Variants in RTP2 observed in about 807,000 individuals in gnomAD.
RTP2 encodes the protein receptor transporter protein 2, also known as receptor-transporting protein 2.
A neutral mutation model predicts 17.9 loss-of-function variants in RTP2; 12 were observed. The ratio of observed to expected loss-of-function variants is 0.67; its 90% CI spans 0.43 to 1.09. RTP2 has a LOEUF of 1.09. Ranked by LOEUF, RTP2 falls within the 50% of genes least tolerant of loss-of-function variation. The pLI is 0.00. For missense variants in RTP2, 327 were observed against 295.7 expected (o/e 1.11, Z -0.78); for synonymous variants, 126 against 117.7 (o/e 1.07, Z -0.46).
At chr3:187,701,297 G>A (rs1560136625) in intron 1 of RTP2, among the ~76,000 whole-genome samples, 2 of 152,228 alleles carry the variant, frequency 1.3e-5, no homozygotes, top group South Asian at 4.1e-4. Context: ...CCTATAAAGA[G>A]TGGGACCCTG....
chr3:187,713,148 C>A, the RTP2 span, among the ~76,000 whole-genome samples: 1 of 152,166 alleles, frequency 6.6e-6, no homozygotes, highest in African/African-American at 2.4e-5. Context: ...TGAGATGTAC[C>A]CAGCCCACAG....
the RTP2 span, chr3:187,715,605 C>G: frequency 2.2e-6 from 1 of 455,814 alleles, no homozygotes; most frequent in Non-Finnish European, 4.4e-6. Flanking sequence ...CACTTGGCTT[C>G]CTTTCCTTTA....
chr3:187,699,057 A>G, intron 1 of RTP2, 46 bp from the exon 2 acceptor site: 1 of 1,533,842 alleles, frequency 6.5e-7, no homozygotes, highest in South Asian at 1.3e-5. Flanking sequence ...CATCCCAGAG[A>G]AGCCTGCCCT....
chr3:187,711,024 T>A, the RTP2 span, among the ~76,000 whole-genome samples: 1 of 152,202 alleles, frequency 6.6e-6, no homozygotes, highest in Non-Finnish European at 1.5e-5. Context: ...AAAGGCACCA[T>A]GTAAAGCAAA....
chr3:187,699,296 G>A (rs578109111), intron 1 of RTP2, among the ~76,000 whole-genome samples: 15 of 152,184 alleles, frequency 9.9e-5, no homozygotes, highest in South Asian at 8.3e-4. Flanking sequence ...CCCCCAGCCC[G>A]ATGCACTCAA....
upstream of RTP2, among the ~76,000 whole-genome samples, chr3:187,707,485 G>A (rs904533784): frequency 6.6e-6 from 1 of 152,120 alleles, no homozygotes; most frequent in African/African-American, 2.4e-5. Context: ...AATGTTAAAG[G>A]GGTGCTTTTC....
the RTP2 span, among the ~76,000 whole-genome samples, chr3:187,710,950 G>A: frequency 1.3e-5 from 2 of 152,096 alleles, no homozygotes; most frequent in East Asian, 1.9e-4. Flanking sequence ...TCTAGGTGCC[G>A]AATTAGAAAT....
At chr3:187,711,169 G>C in the RTP2 span, among the ~76,000 whole-genome samples, 2 of 152,146 alleles carry the variant, frequency 1.3e-5, no homozygotes, top group African/African-American at 4.8e-5. Flanking sequence ...GGATCTAAGG[G>C]AATATGGGTG....
At chr3:187,698,718 T>C (rs761970441) in exon 2 of RTP2, 2 of 1,613,944 alleles carry the variant, frequency 1.2e-6, no homozygotes. Context: ...CTCACAGAAC[T>C]CTGCACGATG....
upstream of RTP2, among the ~76,000 whole-genome samples, chr3:187,704,909 G>A (rs184998331): frequency 1.6e-3 from 238 of 152,220 alleles, no homozygotes; most frequent in African/African-American, 5.3e-3. Flanking sequence ...AAGATTTTAC[G>A]CTGCCCTTTT....
the RTP2 span, among the ~76,000 whole-genome samples, chr3:187,714,320 AATTCCT>A: frequency 6.6e-6 from 1 of 152,032 alleles, no homozygotes; most frequent in Non-Finnish European, 1.5e-5. Context: ...AAGAGCTGGA[AATTCCT>A]GATCCCCAAA....
At chr3:187,710,699 C>T in the RTP2 span, among the ~76,000 whole-genome samples, 2 of 152,084 alleles carry the variant, frequency 1.3e-5, no homozygotes, top group Non-Finnish European at 1.5e-5. Flanking sequence ...TCTGGACAAC[C>T]CGGATTAATA....
chr3:187,698,408 C>CAT, exon 2 of RTP2: 1 of 1,188,984 alleles, frequency 8.4e-7, no homozygotes. Context: ...ATTGTCCAGT[C>CAT]ATATGTTGAA....
Position 187,700,756 on chromosome 3 carries a change from A to G in RTP2, c.164+1209T>C, listed in dbSNP as rs1332085361. 2.0e-5 allele frequency among the ~76,000 whole-genome samples: 3 copies of G among 152,236 alleles called. No homozygotes were observed. The East Asian group carries it at 5.8e-4, about 29-fold the overall frequency. ...TTTCACTGAGAAGAGACAGAAGCCC[A>G]GATAGTAAGAGAGGCATCCATGTAC... On this transcript the variant is annotated intron_variant, in intron 1 of 1. Transcript: ENST00000358241.
the RTP2 span, among the ~76,000 whole-genome samples, chr3:187,709,496 C>T: frequency 1.3e-5 from 2 of 152,112 alleles, no homozygotes; most frequent in Admixed American, 6.5e-5. Context: ...CCAGTCTGGT[C>T]AACATAGTGA....
At chr3:187,705,194 G>A (rs778205142), upstream of RTP2, among the ~76,000 whole-genome samples, 10 of 152,166 alleles carry the variant, frequency 6.6e-5, no homozygotes, top group Non-Finnish European at 1.5e-4. Context: ...TAGGGGTTGA[G>A]TTAGGAAGGA....
upstream of RTP2, among the ~76,000 whole-genome samples, chr3:187,707,388 A>T (rs1039141821): frequency 6.6e-5 from 10 of 152,226 alleles, no homozygotes; most frequent in Non-Finnish European, 1.5e-4. Flanking sequence ...TTGTCACAGC[A>T]GGTAGGGAAG....
chr3:187,714,320 AATTCCTGATCCCCAAAGGAATG>A, the RTP2 span, among the ~76,000 whole-genome samples: 75,396 of 152,046 alleles, frequency 0.5, 22,375 homozygotes, highest in East Asian at 0.76. Flanking sequence ...AAGAGCTGGA[AATTCCTGATCCCCAAAGGAATG>A]ATTCAGAGTG....
At chr3:187,714,327 GATCCCCAAAGGAATGA>G in the RTP2 span, among the ~76,000 whole-genome samples, 1 of 46,220 alleles carries the variant, frequency 2.2e-5, no homozygotes, top group Non-Finnish European at 1.0e-4. Context: ...GGAAATTCCT[GATCCCCAAAGGAATGA>G]TTCAGAGTGG....
Sources: allele counts gnomAD v4.1 joint callset (sites outside exome capture counted in the v4.1 genomes callset), GRCh38; gene constraint gnomAD v4.1.1; transcripts MANE v1.5; gene names NCBI Gene and HGNC (gene_info 2026-07-23, HGNC 2026-07-21).